Variants in ERAP2 observed in about 807,000 individuals in gnomAD.
ERAP2 encodes the protein leukocyte-derived arginine aminopeptidase.
A neutral mutation model predicts 111.1 loss-of-function variants in ERAP2; 118 were observed. The observed-to-expected ratio is 1.06, with a 90% CI of 0.92 to 1.24. The LOEUF is 1.24. Among genes scored for constraint, ERAP2 ranks in the 50% most tolerant of loss-of-function variants. The probability of loss-of-function intolerance (pLI) is 0.00; values close to 1 mark genes in which losing one functional copy is unlikely to be tolerated. For synonymous variants in ERAP2, 410 were observed against 401.2 expected (o/e 1.02, Z -0.26); for missense variants, 1,131 against 1,125.8 (o/e 1.00, Z -0.07).
chr5:96,891,956 T>C (rs1261303799), intron 5 of ERAP2, among the ~76,000 whole-genome samples: 2 of 152,208 alleles, frequency 1.3e-5, no homozygotes, highest in African/African-American at 4.8e-5. Flanking sequence ...TTTTCAGCAG[T>C]ACTAACATAA....
chr5:96,917,498 T>C lies in ERAP2; in HGVS notation c.2776T>C (p.Ser926Pro), dbSNP rs150267510. Residue 926 changes from serine to proline, a missense_variant, in exon 19 of 19, where the codon TCA becomes CCA. Coordinates refer to ENST00000437043, the MANE Select transcript of ERAP2 (RefSeq NM_022350.5). Reference sequence around the variant, plus strand: ...TTTTGAATCTCTTGAGGCTCAAGGATCACATCTGGATATTTTTCAAACTGT... The same window carrying C: ...TTTTGAATCTCTTGAGGCTCAAGGACCACATCTGGATATTTTTCAAACTGT... ...LFFESLEAQGSHLDIFQTVLE... is the reference protein window; with the variant it reads ...LFFESLEAQGPHLDIFQTVLE... 3.1e-6 allele frequency: 5 copies of C among 1,613,478 alleles called. No homozygotes were observed. The highest frequency in any genetic ancestry group is 1.3e-5 in the African/African-American group (1 of 74,876).
intron 3 of ERAP2, among the ~76,000 whole-genome samples, chr5:96,886,050 T>C (rs1783681111): frequency 6.6e-6 from 1 of 152,222 alleles, no homozygotes; most frequent in Non-Finnish European, 1.5e-5. Flanking sequence ...AGAATGAGCA[T>C]CATCTTTGGA....
chr5:96,882,430 G>A (rs1783238974), intron 2 of ERAP2, among the ~76,000 whole-genome samples: 1 of 152,126 alleles, frequency 6.6e-6, no homozygotes, highest in Admixed American at 6.6e-5. Context: ...TTCATACTCA[G>A]TCACCTAGTA....
intron 11 of ERAP2, 132 bp from the exon 12 acceptor site, chr5:96,902,142 A>G (rs1785536639): frequency 1.7e-6 from 1 of 594,784 alleles, no homozygotes; most frequent in African/African-American, 1.9e-5. Context: ...TATAAAATTT[A>G]TAAGACCACT....
At chr5:96,899,134 A>G (rs935774963) in intron 9 of ERAP2, among the ~76,000 whole-genome samples, 3 of 152,208 alleles carry the variant, frequency 2.0e-5, no homozygotes, top group African/African-American at 4.8e-5. Context: ...TAAAGTAATC[A>G]TCATTACTCT....
At chr5:96,894,857 C>T (rs1784710429) in intron 6 of ERAP2, among the ~76,000 whole-genome samples, 1 of 151,956 alleles carries the variant, frequency 6.6e-6, no homozygotes. Flanking sequence ...TATATTTCTC[C>T]CTTGAACATC....
At chr5:96,911,964 C>T (rs1203462479) in intron 15 of ERAP2, among the ~76,000 whole-genome samples, 7 of 147,908 alleles carry the variant, frequency 4.7e-5, no homozygotes, top group Admixed American at 1.3e-4. Context: ...CTGAGGCGGG[C>T]GGATCACGAG....
chr5:96,899,353 C>T (rs1785206776), intron 9 of ERAP2, among the ~76,000 whole-genome samples: 1 of 152,234 alleles, frequency 6.6e-6, no homozygotes, highest in African/African-American at 2.4e-5. Flanking sequence ...ACCAAAGGGC[C>T]CTGTAGTATT....
intron 4 of ERAP2, among the ~76,000 whole-genome samples, chr5:96,887,092 T>C (rs1334651973): frequency 1.9e-4 from 19 of 99,092 alleles, no homozygotes; most frequent in East Asian, 3.4e-4. Context: ...TATATATATA[T>C]ATATATATAC....
intron 6 of ERAP2, 27 bp downstream of exon 6, chr5:96,892,480 G>A (rs754361180): frequency 6.6e-5 from 107 of 1,612,018 alleles, no homozygotes; most frequent in African/African-American, 8.0e-5. Flanking sequence ...ACATTATCTC[G>A]ATATCAGTTC....
chr5:96,894,619 T>C (rs928114876), intron 6 of ERAP2, among the ~76,000 whole-genome samples: 5 of 152,194 alleles, frequency 3.3e-5, no homozygotes, highest in African/African-American at 7.2e-5. Context: ...GGTAAATATG[T>C]CAATTATATT....
Position 96,913,326 on chromosome 5 carries a change from A to T in ERAP2, c.2526A>T (p.Glu842Asp). ...KHQEKLLKLIELGMEGKVIKT... is the reference protein window; with the variant it reads ...KHQEKLLKLIDLGMEGKVIKT... ...ATTTTTCTTTCTTCAGGTTAATTGA[A>T]CTAGGAATGGAAGGAAAGGTTATCA... is the stretch of plus-strand genomic sequence containing the variant. The change falls in exon 17 of 19, where the codon GAA (glutamate) becomes GAT (aspartate). Residue 842 changes from glutamate to aspartate, a missense_variant. This residue lies in a region of ERAP2 where 279 missense variants were observed against 250.9 expected (regional missense o/e 1.11). Coordinates refer to ENST00000437043, the MANE Select transcript of ERAP2 (RefSeq NM_022350.5). The T allele has an allele frequency of 6.2e-7, 1 of 1,613,918 alleles. No homozygotes were observed. The highest frequency in any genetic ancestry group is 1.1e-5 in the South Asian group (1 of 91,058).
At chr5:96,894,958 T>C (rs1043037678) in intron 6 of ERAP2, among the ~76,000 whole-genome samples, 4 of 152,056 alleles carry the variant, frequency 2.6e-5, no homozygotes, top group African/African-American at 9.7e-5. Flanking sequence ...TTTCTTAATA[T>C]TAAATCTAAT....
At chr5:96,914,713 T>A (rs945762032) in intron 17 of ERAP2, among the ~76,000 whole-genome samples, 6 of 152,162 alleles carry the variant, frequency 3.9e-5, no homozygotes, top group Admixed American at 6.5e-5. Context: ...TTTCCATATA[T>A]AAAACATTGG....
chr5:96,900,012 A>T, intron 9 of ERAP2, 109 bp from the exon 10 acceptor site: 3 of 1,280,994 alleles, frequency 2.3e-6, no homozygotes, highest in Non-Finnish European at 1.1e-6. Context: ...TGTCTGGATG[A>T]ATTATTTCAT....
chr5:96,911,807 C>G (rs1477709786), intron 15 of ERAP2, among the ~76,000 whole-genome samples: 1 of 141,458 alleles, frequency 7.1e-6, no homozygotes, highest in Non-Finnish European at 1.5e-5. Context: ...GCTGAGGCTA[C>G]AGTGAGCCAT....
At chr5:96,888,557 C>T (rs908193253) in intron 4 of ERAP2, among the ~76,000 whole-genome samples, 1 of 152,136 alleles carries the variant, frequency 6.6e-6, no homozygotes, top group Non-Finnish European at 1.5e-5. Context: ...TACATTTTTT[C>T]TGCATAAAAG....
At chr5:96,898,611 T>A (rs6859168) in intron 9 of ERAP2, among the ~76,000 whole-genome samples, 1 of 146,500 alleles carries the variant, frequency 6.8e-6, no homozygotes, top group African/African-American at 2.5e-5. Flanking sequence ...GTCTGGTGGA[T>A]CACCTGTAAT....
intron 14 of ERAP2, 129 bp downstream of exon 14, chr5:96,909,246 T>C: frequency 1.2e-6 from 1 of 823,252 alleles, no homozygotes; most frequent in Non-Finnish European, 1.9e-6. Flanking sequence ...ACTGATAGCA[T>C]GTAATGGTCA....
Sources: allele counts gnomAD v4.1 joint callset (sites outside exome capture counted in the v4.1 genomes callset), GRCh38; gene constraint gnomAD v4.1.1; regional missense constraint gnomAD v4.1.1; transcripts MANE v1.5; gene names NCBI Gene and HGNC (gene_info 2026-07-23, HGNC 2026-07-21).